WASF2: variants seen among roughly 807,000 people sequenced by gnomAD.
The protein encoded by WASF2 is WASP family member 2.
WASF2 carries 14 observed loss-of-function variants against 45.0 expected under a neutral mutation model. That is an observed-to-expected ratio of 0.31 (90% confidence interval 0.21 to 0.49). The LOEUF (loss-of-function observed/expected upper bound fraction) is 0.49. Among genes scored for constraint, WASF2 ranks in the 20% least tolerant of loss-of-function variants. The pLI is 0.99. For synonymous variants in WASF2, 200 were observed against 236.3 expected (o/e 0.85, Z 1.41); for missense variants, 439 against 636.1 (o/e 0.69, Z 3.33).
At chr1:27,453,183 T>C (rs899273510) in intron 1 of WASF2, among the ~76,000 whole-genome samples, 1 of 151,788 alleles carries the variant, frequency 6.6e-6, no homozygotes, top group South Asian at 2.1e-4. Context: ...CCAGCCTGAG[T>C]GACAGAATGG....
In WASF2 at chr1:27,415,992, T is replaced by C; in HGVS notation, c.530A>G (p.Lys177Arg). ...DTKDIMKEKR[K>R]HRKEKKDNPN... ...AGGCCCCTTTCCCCTCACCCTATGC[T>C]TTCTCTTCTCTTTCATGATATCCTT... is the stretch of plus-strand genomic sequence containing the variant. Residue 177 changes from lysine (K) to arginine (R), a missense_variant, in exon 5 of 9, where the codon AAG becomes AGG. Lys to Arg is a conservative substitution (Grantham distance 26). Around this residue, in one of 5 missense-constraint regions of WASF2, gnomAD observed 23 missense variants for 69.7 expected, o/e 0.33. Coordinates refer to ENST00000618852, the MANE Select transcript of WASF2 (RefSeq NM_006990.5). 3.7e-6 allele frequency: 6 copies of C among 1,613,840 alleles called. No individual in the cohort carries two copies. Among genetic ancestry groups the C allele is most frequent in the Non-Finnish European group, 5.1e-6 (6 of 1,179,746 alleles).
intron 1 of WASF2, among the ~76,000 whole-genome samples, chr1:27,462,266 G>A (rs1034547879): frequency 4.6e-5 from 7 of 152,094 alleles, no homozygotes; most frequent in East Asian, 1.9e-4. Context: ...GTGAGCCACC[G>A]TGCCTGGCCC....
chr1:27,412,567 T>C lies in WASF2; in HGVS notation c.824+5A>G, dbSNP rs202229617. On this transcript the variant is annotated splice_donor_5th_base_variant and intron_variant, in intron 7 of 8. Coordinates refer to ENST00000618852, the MANE Select transcript of WASF2 (RefSeq NM_006990.5). Reference sequence around the variant, plus strand: ...ATAGTGGATGGAGTAGGTACCACCATTTACCTGAATTCTGCTGGTGGAGGA... The same window carrying C: ...ATAGTGGATGGAGTAGGTACCACCACTTACCTGAATTCTGCTGGTGGAGGA... 1 of 1,614,152 alleles carries C rather than the reference T, an allele frequency of 6.2e-7. No homozygotes were observed. Among genetic ancestry groups the C allele is most frequent in the Non-Finnish European group, 8.5e-7 (1 of 1,180,008 alleles).
intron 1 of WASF2, among the ~76,000 whole-genome samples, chr1:27,480,635 C>T (rs1237555620): frequency 6.6e-6 from 1 of 152,096 alleles, no homozygotes; most frequent in African/African-American, 2.4e-5. Context: ...AATCAAAATA[C>T]TTGAGAGTAA....
chr1:27,418,967 G>C lies in WASF2; in HGVS notation c.252C>G (p.Pro84=). Residue 84 remains proline, a synonymous_variant, in exon 3 of 9, where the codon CCC becomes CCG. Coordinates refer to ENST00000618852, the MANE Select transcript of WASF2 (RefSeq NM_006990.5). ...CAGCTTTCTTACCTTCTTCTTCCTT[G>C]GGATCCAGCTGAGTGACTTTAACCT... ...RLQVKVTQLD[P]KEEEVSLQGI... 1.2e-6 allele frequency: 2 copies of C among 1,613,282 alleles called. No homozygotes were observed. Among genetic ancestry groups the C allele is most frequent in the South Asian group, 2.2e-5 (2 of 91,030 alleles).
chr1:27,408,443 G>C, intron 8 of WASF2, 97 bp from the exon 9 acceptor site: 2 of 1,489,082 alleles, frequency 1.3e-6, no homozygotes, highest in Non-Finnish European at 1.8e-6. Flanking sequence ...ATGGGTAAGT[G>C]GTATTGGAAA....
rs1482055346 is a variant in WASF2 at position 27,408,327 on chromosome 1, A to T, written c.1359T>A (p.Val453=). 3 of 1,614,098 alleles carry T rather than the reference A, an allele frequency of 1.9e-6. No homozygotes were observed. The highest frequency in any genetic ancestry group is 2.5e-6 in the Non-Finnish European group (3 of 1,180,042). Residue 453 remains valine (V), a synonymous_variant, in exon 9 of 9, where the codon GTT becomes GTA. Transcript: ENST00000618852. The stretch of plus-strand genomic sequence containing the variant: ...GCTTCTCTTGTTCCCGCTGCTCCTC[A>T]ACCCTGCGCAGCTGAAAACCTAGTG... ...AIRQGFQLRR[V]EEQREQEKRD...
chr1:27,485,423 TA>T (rs1255721949), intron 1 of WASF2, among the ~76,000 whole-genome samples: 2 of 151,234 alleles, frequency 1.3e-5, no homozygotes. Flanking sequence ...CTCTACTGTT[TA>T]AAAAAAGAAA....
intron 7 of WASF2, among the ~76,000 whole-genome samples, chr1:27,411,982 TC>T (rs1450327655): frequency 3.3e-5 from 5 of 152,248 alleles, no homozygotes; most frequent in Non-Finnish European, 5.9e-5. Flanking sequence ...GTTCTGGAGT[TC>T]AACTGACCAA....
chr1:27,458,163 A>C (rs1267605896), intron 1 of WASF2, among the ~76,000 whole-genome samples: 1 of 151,846 alleles, frequency 6.6e-6, no homozygotes, highest in Non-Finnish European at 1.5e-5. Flanking sequence ...ACAAAAAAAA[A>C]TTAGCCAGGC....
Position 27,405,743 on chromosome 1 carries a change from G to T in WASF2, c.*2446C>A, listed in dbSNP as rs925275643. On this transcript the variant is annotated 3_prime_UTR_variant, in exon 9 of 9. Transcript: ENST00000618852. ...CTGCTACAAAGTGCCGAGCTTGGCT[G>T]CATAGATTTTAATGAGAGCGTCAGG... 2.6e-5 allele frequency: 4 copies of T among 152,014 alleles called. No individual in the cohort carries two copies. Among genetic ancestry groups the T allele is most frequent in the Non-Finnish European group, 4.4e-5 (3 of 67,996 alleles). 9.4% of individuals were successfully genotyped at this position (152,014 alleles called of 1,614,324 possible).
intron 1 of WASF2, among the ~76,000 whole-genome samples, chr1:27,433,740 C>A (rs561250643): frequency 1.3e-5 from 2 of 152,180 alleles, no homozygotes; most frequent in African/African-American, 4.8e-5. Context: ...TCAGCCCCAC[C>A]GGCTGCTCTC....
At chr1:27,454,818 GAACAT>G (rs535586691) in intron 1 of WASF2, among the ~76,000 whole-genome samples, 51 of 151,720 alleles carry the variant, frequency 3.4e-4, no homozygotes, top group African/African-American at 1.2e-3. Context: ...TCTATTGTAG[GAACAT>G]ATCATGATTA....
At chr1:27,473,786 A>G (rs182565928) in intron 1 of WASF2, among the ~76,000 whole-genome samples, 355 of 152,360 alleles carry the variant, frequency 2.3e-3, no homozygotes, top group African/African-American at 7.7e-3. Context: ...AAAGATTAAT[A>G]AAAACAAGAA....
chr1:27,452,932 A>G lies in WASF2; in HGVS notation c.-43-23999T>C, dbSNP rs1445876591. Among the ~76,000 whole-genome samples, 16 of 149,338 alleles carry G rather than the reference A, an allele frequency of 1.1e-4. 1 individual carries two copies. The highest frequency in any genetic ancestry group is 4.5e-5 in the Non-Finnish European group (3 of 67,108). On this transcript the variant is annotated intron_variant, in intron 1 of 8. Coordinates refer to ENST00000618852, the MANE Select transcript of WASF2 (RefSeq NM_006990.5). ...CTGTTTAAGAAGAATATTGCCAGGCACGGTGGCTCACGCCTGTAATCCCAG... is the reference window on the plus strand; with the variant it reads ...CTGTTTAAGAAGAATATTGCCAGGCGCGGTGGCTCACGCCTGTAATCCCAG...
intron 1 of WASF2, 52 bp from the exon 2 acceptor site, chr1:27,428,985 C>T: frequency 2.4e-6 from 3 of 1,274,012 alleles, no homozygotes; most frequent in Non-Finnish European, 3.3e-6. Flanking sequence ...TCCAGGCACA[C>T]TAGGGCTGTG....
At chr1:27,427,873 G>A (rs1205208790) in intron 2 of WASF2, among the ~76,000 whole-genome samples, 1 of 151,980 alleles carries the variant, frequency 6.6e-6, no homozygotes, top group Non-Finnish European at 1.5e-5. Flanking sequence ...GTTCTTATGG[G>A]AGCTGGAGTG....
intron 1 of WASF2, among the ~76,000 whole-genome samples, chr1:27,465,276 A>G (rs907938884): frequency 5.9e-5 from 9 of 152,232 alleles, no homozygotes; most frequent in African/African-American, 2.2e-4. Context: ...AACAGTGTAA[A>G]TAAGATTGCA....
chr1:27,422,931 G>C (rs966931043), intron 2 of WASF2, among the ~76,000 whole-genome samples: 12 of 152,126 alleles, frequency 7.9e-5, no homozygotes, highest in Non-Finnish European at 1.8e-4. Context: ...TGAAGACCAG[G>C]AGTTTGAGAT....
Sources: gnomAD v4.1 joint callset for allele counts (sites outside exome capture counted in the v4.1 genomes callset) on GRCh38, gnomAD v4.1.1 for gene constraint, gnomAD v4.1.1 regional missense constraint, MANE v1.5 for transcripts, NCBI Gene and HGNC (gene_info 2026-07-23, HGNC 2026-07-21) for gene names.